STPG4: variants seen among roughly 807,000 people sequenced by gnomAD.
STPG4 encodes the protein protein STPG4.
A neutral mutation model predicts 31.5 loss-of-function variants in STPG4; 41 were observed. The ratio of observed to expected loss-of-function variants is 1.30; its 90% CI spans 1.01 to 1.69. The LOEUF (loss-of-function observed/expected upper bound fraction) is 1.69, where lower values mean the gene tolerates loss of function less well. STPG4 is among the 40% of genes most tolerant of loss of function. STPG4 has a pLI of 0.00. For missense variants in STPG4, 375 were observed against 293.4 expected, an observed-to-expected ratio of 1.28 and a Z score of -2.03; for synonymous variants, 141 against 103.0, an observed-to-expected ratio of 1.37 and a Z score of -2.24.
intron 2 of STPG4, 97 bp downstream of exon 2, chr2:47,152,860 T>C (rs1410438051): frequency 5.8e-6 from 5 of 857,348 alleles, no homozygotes; most frequent in Non-Finnish European, 8.7e-6. Flanking sequence ...AATCACTGTT[T>C]TCTTACAATT....
chr2:47,142,963 G>A (rs892286433), intron 3 of STPG4, among the ~76,000 whole-genome samples: 2 of 145,732 alleles, frequency 1.4e-5, no homozygotes, highest in Non-Finnish European at 3.0e-5. Flanking sequence ...TTAGCCTCCC[G>A]AGTAGCTGGG....
intron 3 of STPG4, among the ~76,000 whole-genome samples, chr2:47,137,303 C>T (rs754921449): frequency 3.3e-5 from 5 of 152,250 alleles, no homozygotes; most frequent in South Asian, 2.1e-4. Flanking sequence ...AAATATTGAG[C>T]CAGCATTGCA....
intron 5 of STPG4, among the ~76,000 whole-genome samples, chr2:47,110,212 G>T (rs1438835315): frequency 2.0e-5 from 3 of 152,210 alleles, no homozygotes; most frequent in Non-Finnish European, 2.9e-5. Context: ...CAGAAAGTGG[G>T]ACTATTTTTA....
chr2:47,154,581 A>C (rs960116521), intron 1 of STPG4, among the ~76,000 whole-genome samples: 3 of 152,260 alleles, frequency 2.0e-5, no homozygotes, highest in African/African-American at 2.4e-5. Flanking sequence ...AAAATGTAAC[A>C]AAGGCCAGCC....
At chr2:47,096,954 T>C (rs973930389) in intron 5 of STPG4, among the ~76,000 whole-genome samples, 1 of 151,728 alleles carries the variant, frequency 6.6e-6, no homozygotes. Context: ...GAGTTCACAG[T>C]GAGGGGAGGC....
intron 5 of STPG4, among the ~76,000 whole-genome samples, chr2:47,113,578 T>C (rs1194497672): frequency 1.3e-5 from 2 of 152,204 alleles, no homozygotes; most frequent in East Asian, 3.8e-4. Flanking sequence ...AAAGAACATT[T>C]TTAAACTATC....
At chr2:47,110,994 T>A (rs919966886) in intron 5 of STPG4, among the ~76,000 whole-genome samples, 4 of 152,232 alleles carry the variant, frequency 2.6e-5, no homozygotes, top group Non-Finnish European at 4.4e-5. Flanking sequence ...TTGAGCAAAT[T>A]ATCCCTTGAT....
At chr2:47,093,261 T>C (rs867937331) in intron 5 of STPG4, among the ~76,000 whole-genome samples, 3 of 152,164 alleles carry the variant, frequency 2.0e-5, no homozygotes, top group Middle Eastern at 3.2e-3. Flanking sequence ...TTACAACTCA[T>C]GGCAGAGAGA....
At chr2:47,129,851 T>C (rs1385911450) in intron 5 of STPG4, 90 bp downstream of exon 5, 50 of 1,539,164 alleles carry the variant, frequency 3.2e-5, no homozygotes, top group Non-Finnish European at 4.2e-5. Context: ...CACTGGAGGG[T>C]TCTATGTGGC....
intron 6 of STPG4, 91 bp downstream of exon 6, chr2:47,090,179 C>T (rs1255737234): frequency 3.6e-6 from 3 of 828,698 alleles, no homozygotes; most frequent in Non-Finnish European, 6.0e-6. Flanking sequence ...TCACCACCAC[C>T]CCGCACCTCC....
chr2:47,150,615 A>G (rs916250860), intron 3 of STPG4, among the ~76,000 whole-genome samples: 1 of 151,642 alleles, frequency 6.6e-6, no homozygotes, highest in Non-Finnish European at 1.5e-5. Context: ...TCCCAGGCTC[A>G]AGGGATCCTC....
intron 3 of STPG4, among the ~76,000 whole-genome samples, chr2:47,137,093 C>A (rs1395722628): frequency 1.3e-5 from 2 of 152,168 alleles, no homozygotes; most frequent in African/African-American, 4.8e-5. Flanking sequence ...CTTCTAGTTT[C>A]TCACCATTAA....
At chr2:47,152,765 T>A (rs1043569424) in intron 2 of STPG4, among the ~76,000 whole-genome samples, 192 bp downstream of exon 2, 3 of 152,238 alleles carry the variant, frequency 2.0e-5, no homozygotes, top group African/African-American at 7.2e-5. Context: ...AAGCTTCTAT[T>A]GCATTCAAAA....
At chr2:47,154,110 T>C (rs1686984964) in intron 1 of STPG4, among the ~76,000 whole-genome samples, 1 of 152,232 alleles carries the variant, frequency 6.6e-6, no homozygotes, top group Admixed American at 6.5e-5. Flanking sequence ...CAAGCAGGAC[T>C]GCATTAAAAG....
intron 3 of STPG4, among the ~76,000 whole-genome samples, chr2:47,142,407 T>A (rs777631893): frequency 4.7e-4 from 71 of 152,172 alleles, no homozygotes; most frequent in Non-Finnish European, 9.3e-4. Context: ...TTCATTTGCT[T>A]AACTGTGATT....
intron 3 of STPG4, among the ~76,000 whole-genome samples, chr2:47,130,797 G>C (rs1158262185): frequency 6.6e-6 from 1 of 151,962 alleles, no homozygotes; most frequent in Admixed American, 6.6e-5. Flanking sequence ...TTACAGGCAT[G>C]AACTACCGTG....
intron 3 of STPG4, among the ~76,000 whole-genome samples, chr2:47,137,440 G>A (rs78022051): frequency 0.025 from 3,747 of 152,072 alleles, 151 homozygotes; most frequent in African/African-American, 0.084. Context: ...TGTAGTTTTC[G>A]TTTTTTGTAA....
At chr2:47,090,805 T>G (rs1573142166) in intron 5 of STPG4, among the ~76,000 whole-genome samples, 1 of 152,262 alleles carries the variant, frequency 6.6e-6, no homozygotes, top group East Asian at 1.9e-4. Flanking sequence ...ATGTCATATA[T>G]GTTATCTCAG....
chr2:47,131,823 C>T (rs1686489896), intron 3 of STPG4, among the ~76,000 whole-genome samples: 1 of 152,136 alleles, frequency 6.6e-6, no homozygotes, highest in Non-Finnish European at 1.5e-5. Flanking sequence ...GCTCCATTGC[C>T]CCTGGGTCTA....
Sources: allele counts gnomAD v4.1 joint callset (sites outside exome capture counted in the v4.1 genomes callset), GRCh38; gene constraint gnomAD v4.1.1; transcripts MANE v1.5; gene names NCBI Gene and HGNC (gene_info 2026-07-23, HGNC 2026-07-21).